The following PCDHA10 variants were observed in gnomAD, a reference collection of about 807,000 sequenced individuals.
PCDHA10 encodes protocadherin alpha-10.
Under a neutral mutation model 61.2 loss-of-function variants are expected in PCDHA10, and 45 were observed. That is an observed-to-expected ratio of 0.74 (90% CI 0.58 to 0.94). PCDHA10 has a LOEUF of 0.94. Among genes scored for constraint, PCDHA10 ranks in the 40% least tolerant of loss-of-function variants. The pLI is 0.00. For missense variants in PCDHA10, 1,278 were observed against 1,236.2 expected, an observed-to-expected ratio of 1.03 and a Z score of -0.51; for synonymous variants, 602 against 548.8, an observed-to-expected ratio of 1.10 and a Z score of -1.35.
At position 140,855,966 on chromosome 5, in the gene PCDHA10, TAAGAA is replaced by T; in HGVS notation, c.-81_-77del. ...CAGCCATTTCGATAAAAAATAGATA[TAAGAA>T]ATAGGACAGAAAATGTCAGATCGTA... On this transcript the variant is annotated 5_prime_UTR_variant, in exon 1 of 4. Coordinates refer to ENST00000307360, the MANE Select transcript of PCDHA10 (RefSeq NM_018901.4). 1 of 1,422,780 alleles carries T rather than the reference TAAGAA, an allele frequency of 7.0e-7. No individual in the cohort carries two copies. The highest frequency in any genetic ancestry group is 9.5e-7 in the Non-Finnish European group (1 of 1,049,546). The allele number at this position is 1,422,780 out of a possible 1,614,324, so 88.1% of individuals were successfully genotyped here. A position where few individuals can be genotyped will look rare whatever the true frequency, so the allele number is the denominator to read the frequency against.
intron 1 of PCDHA10, chr5:140,929,720 C>A (rs146702581): frequency 4.5e-6 from 1 of 224,040 alleles, no homozygotes; most frequent in Admixed American, 5.9e-5. Context: ...GAAGGTGAAA[C>A]ATTTACTTAA....
chr5:140,872,332 T>G (rs2053600467), intron 1 of PCDHA10, among the ~76,000 whole-genome samples: 1 of 152,172 alleles, frequency 6.6e-6, no homozygotes, highest in African/African-American at 2.4e-5. Context: ...ATGACTAAAA[T>G]TCTACATGTT....
At chr5:140,968,341 C>T in intron 1 of PCDHA10, 1 of 1,614,132 alleles carries the variant, frequency 6.2e-7, no homozygotes, top group Non-Finnish European at 8.5e-7. Context: ...TCTCCATTAA[C>T]AGTGCCAGTG....
chr5:140,884,241 C>G lies in PCDHA10; in HGVS notation c.2388+25805C>G, dbSNP rs782355331. 3.7e-6 allele frequency: 6 copies of G among 1,613,408 alleles called. No homozygotes were observed. The South Asian group carries it at 4.4e-5, about 12-fold the overall frequency. ...CTGGTGAAGGACCACGGTGAGCCCG[C>G]GCTGACGGCCACGGCAACGGTGCTG... On this transcript the variant is annotated intron_variant, in intron 1 of 3. Coordinates refer to ENST00000307360, the MANE Select transcript of PCDHA10 (RefSeq NM_018901.4).
rs782411315 is a variant in PCDHA10, at chr5:140,883,596, T to G, written c.2388+25160T>G. ...CTGTGGGCCACGGCCAGCGTGTCGG[T>G]GGGGGTGGCCGACGTGAACGACAAC... On this transcript the variant is annotated intron_variant, in intron 1 of 3. Coordinates refer to ENST00000307360, the MANE Select transcript of PCDHA10 (RefSeq NM_018901.4). 1.0e-4 allele frequency: 167 copies of G among 1,613,676 alleles called. No homozygotes were observed. The highest frequency in any genetic ancestry group is 1.6e-4 in the Middle Eastern group (1 of 6,072).
At chr5:141,004,303 T>C (rs2098161196) in intron 3 of PCDHA10, among the ~76,000 whole-genome samples, 2 of 152,178 alleles carry the variant, frequency 1.3e-5, no homozygotes, top group South Asian at 4.1e-4. Context: ...GATGTTTGTT[T>C]TATACAACAA....
intron 1 of PCDHA10, among the ~76,000 whole-genome samples, chr5:140,935,909 T>C (rs1452831803): frequency 6.6e-6 from 1 of 151,600 alleles, no homozygotes; most frequent in African/African-American, 2.4e-5. Flanking sequence ...TTTTTTTTTT[T>C]TGAGACAGAT....
At chr5:140,967,346 G>A (rs1332345482) in intron 1 of PCDHA10, 1 of 1,607,970 alleles carries the variant, frequency 6.2e-7, no homozygotes, top group Non-Finnish European at 8.5e-7. Flanking sequence ...CGAGCACTTC[G>A]AGCTGGACCT....
intron 1 of PCDHA10, chr5:140,968,146 T>C: frequency 6.2e-7 from 1 of 1,614,140 alleles, no homozygotes. Flanking sequence ...TTGAGATCTC[T>C]GACATCAATG....
At chr5:140,927,720 G>C (rs782475238) in intron 1 of PCDHA10, 8 of 1,614,056 alleles carry the variant, frequency 5.0e-6, no homozygotes, top group Non-Finnish European at 6.8e-6. Flanking sequence ...GCAACAGCAC[G>C]CAAGCAGAGC....
chr5:140,895,253 C>CT (rs1411327383), intron 1 of PCDHA10, among the ~76,000 whole-genome samples: 1 of 151,966 alleles, frequency 6.6e-6, no homozygotes. Context: ...TCAAAGCTTT[C>CT]TTTTTTTTCT....
intron 1 of PCDHA10, among the ~76,000 whole-genome samples, chr5:140,917,329 GA>G (rs1467900886): frequency 0.012 from 1,654 of 143,658 alleles, 142 homozygotes; most frequent in African/African-American, 0.032. Context: ...TGTGGCGGGG[GA>G]GGGGGGGGAT....
chr5:140,884,092 G>A (rs1443036011), intron 1 of PCDHA10: 17 of 1,613,438 alleles, frequency 1.1e-5, no homozygotes, highest in Non-Finnish European at 1.4e-5. Flanking sequence ...CGTGGCTTTC[G>A]TATGAATTGC....
At chr5:140,870,822 A>G in intron 1 of PCDHA10, 3 of 1,613,698 alleles carry the variant, frequency 1.9e-6, no homozygotes, top group Non-Finnish European at 2.5e-6. Context: ...GCAGCGCGGG[A>G]GGCGCAGTTA....
At position 140,877,853 on chromosome 5, in the gene PCDHA10, A is replaced by G. The variant is rs1299590962; in HGVS notation, c.2388+19417A>G. On this transcript the variant is annotated intron_variant, in intron 1 of 3. Transcript: ENST00000307360. ...CCTCCCAGTGAAGTAAGTTATTAAT[A>G]TTATTTAGATATATTTGTTTCCTTG... 2.0e-6 allele frequency: 3 copies of G among 1,535,406 alleles called. No homozygotes were observed. The East Asian group carries it at 7.1e-5, about 36-fold the overall frequency.
chr5:140,886,828 A>G (rs74967108), intron 1 of PCDHA10, among the ~76,000 whole-genome samples: 4 of 133,052 alleles, frequency 3.0e-5, no homozygotes, highest in Non-Finnish European at 6.5e-5. Flanking sequence ...CTTCGTCTTG[A>G]AAAAAAAAAA....
intron 1 of PCDHA10, chr5:140,929,668 A>G (rs1554207270): frequency 3.1e-6 from 1 of 324,518 alleles, no homozygotes; most frequent in East Asian, 5.3e-5. Flanking sequence ...AAAGTGAAGA[A>G]TGAAAAATAT....
At position 140,858,255 on chromosome 5, in the gene PCDHA10, C is replaced by A; in HGVS notation, c.2207C>A (p.Thr736Lys). Reference protein sequence around the residue: ...TEGACGPVKPTLVCSSAVGSW... With the variant: ...TEGACGPVKPKLVCSSAVGSW... ...GGCGCATGTGGGCCGGTGAAGCCCA[C>A]GCTGGTGTGCTCTAGCGCGGTGGGG... The change falls in exon 1 of 4, where the codon ACG (threonine) becomes AAG (lysine). Residue 736 changes from threonine (T) to lysine (K), a missense_variant. Transcript: ENST00000307360. 1 of 1,596,962 alleles carries A rather than the reference C, an allele frequency of 6.3e-7. No homozygotes were observed. Among genetic ancestry groups the A allele is most frequent in the Non-Finnish European group, 8.6e-7 (1 of 1,166,770 alleles).
chr5:140,882,474 A>G, intron 1 of PCDHA10: 1 of 1,614,054 alleles, frequency 6.2e-7, no homozygotes, highest in Non-Finnish European at 8.5e-7. Context: ...GTGGCGTCCA[A>G]AAGACACGGG....
Sources: allele counts gnomAD v4.1 joint callset (sites outside exome capture counted in the v4.1 genomes callset), GRCh38; gene constraint gnomAD v4.1.1; transcripts MANE v1.5; gene names NCBI Gene and HGNC (gene_info 2026-07-23, HGNC 2026-07-21).